PRH2: variants seen among roughly 807,000 people sequenced by gnomAD.
The protein encoded by PRH2 is proline rich protein HaeIII subfamily 2, also known as salivary acidic proline-rich phosphoprotein 1/2.
A neutral mutation model predicts 22.6 loss-of-function variants in PRH2; 19 were observed. The observed-to-expected ratio is 0.84, with a 90% CI of 0.59 to 1.23. The LOEUF is 1.23. Among genes scored for constraint, PRH2 ranks in the 50% most tolerant of loss-of-function variants. The pLI is 0.00. For missense variants in PRH2, 109 were observed against 203.0 expected (o/e 0.54, Z 2.81); for synonymous variants, 45 against 72.0 (o/e 0.63, Z 1.90).
chr12:10,929,419 A>C, intron 1 of PRH2, 82 bp downstream of exon 1: 1 of 1,556,986 alleles, frequency 6.4e-7, no homozygotes. Flanking sequence ...TGGAGGGAAG[A>C]GAGGAGGATG....
rs1247082196 is a variant in PRH2, at chr12:10,934,172, C to CT, written c.*1966dup. ...ATAGCAAGCATCTGATTATTTTACT[C>CT]TAAGTTATTTCCACTTCTGATTTTA... On this transcript the variant is annotated 3_prime_UTR_variant, in exon 4 of 4. Transcript: ENST00000396400. Among the ~76,000 whole-genome samples the CT allele has an allele frequency of 7.2e-5, 11 of 152,258 alleles. No homozygotes were observed. Among genetic ancestry groups the CT allele is most frequent in the East Asian group, 1.9e-4 (1 of 5,180 alleles).
rs996926309 is a variant in PRH2 at position 10,933,633 on chromosome 12, C to T, written c.*1426C>T. ...ATATGACCATCTCAAAAGATGCCAA[C>T]GTTGTCTTTGATAATATTTAATATA... On this transcript the variant is annotated 3_prime_UTR_variant, in exon 4 of 4. Transcript: ENST00000396400. Among the ~76,000 whole-genome samples the T allele has an allele frequency of 1.3e-5, 2 of 151,944 alleles. No individual in the cohort carries two copies. The highest frequency in any genetic ancestry group is 4.1e-4 in the South Asian group (2 of 4,824).
chr12:10,930,539 G>C, intron 2 of PRH2, 123 bp from the exon 3 acceptor site: 1 of 1,525,548 alleles, frequency 6.6e-7, no homozygotes, highest in Non-Finnish European at 8.8e-7. Context: ...GGGAAGGGGG[G>C]AGGTTGGGAG....
At chr12:10,929,428 T>A in intron 1 of PRH2, 91 bp downstream of exon 1, 1 of 1,497,568 alleles carries the variant, frequency 6.7e-7, no homozygotes, top group Non-Finnish European at 9.2e-7. Flanking sequence ...GAGAGGAGGA[T>A]GAGAAAACAG....
intron 2 of PRH2, 150 bp downstream of exon 2, chr12:10,930,454 G>T: frequency 6.9e-7 from 1 of 1,452,348 alleles, no homozygotes; most frequent in East Asian, 2.4e-5. Context: ...CCTTGATTCT[G>T]GGGACCATGA....
Position 10,930,976 on chromosome 12 carries a change from C to A in PRH2, c.415C>A (p.Pro139Thr), listed in dbSNP as rs561721607. 2 of 1,597,612 alleles carry A rather than the reference C, an allele frequency of 1.3e-6. No homozygotes were observed. The highest frequency in any genetic ancestry group is 1.7e-5 in the Admixed American group (1 of 58,460). The change falls in exon 3 of 4, where the codon CCC (proline) becomes ACC (threonine). Residue 139 changes from proline (P) to threonine (T), a missense_variant. This residue lies in a region of PRH2 where 41 missense variants were observed against 93.6 expected (regional missense o/e 0.44). Coordinates refer to ENST00000396400, the MANE Select transcript of PRH2 (RefSeq NM_001110213.1). Reference sequence around the variant, plus strand: ...ACAGGGAGGCCATCAGCAAGGTCCTCCCCCACCTCCTCCTGGAAAGCCCCA... The same window carrying A: ...ACAGGGAGGCCATCAGCAAGGTCCTACCCCACCTCCTCCTGGAAAGCCCCA... ...PQQGGHQQGP[P>T]PPPPGKPQGP... is the part of the protein sequence containing the mutation.
At position 10,930,782 on chromosome 12, in the gene PRH2, C is replaced by T; in HGVS notation, c.221C>T (p.Pro74Leu). ...AATGATGGCCCTCAGCAGGGACCAC[C>T]CCAACAAGGAGGCCAGCAGCAACAA... ...NQNDGPQQGP[P>L]QQGGQQQQGP... Residue 74 changes from proline to leucine, a missense_variant, in exon 3 of 4, where the codon CCC (proline) becomes CTC (leucine). Physicochemically the swap from Pro to Leu is moderately conservative, Grantham distance 98 (BLOSUM62 -3). Coordinates refer to ENST00000396400, the MANE Select transcript of PRH2 (RefSeq NM_001110213.1). 1 of 1,609,864 alleles carries T rather than the reference C, an allele frequency of 6.2e-7. No homozygotes were observed. The highest frequency in any genetic ancestry group is 8.5e-7 in the Non-Finnish European group (1 of 1,176,764).
At position 10,929,268 on chromosome 12, in the gene PRH2, T is replaced by A; in HGVS notation, c.-6T>A. 1.7e-5 allele frequency: 28 copies of A among 1,614,218 alleles called. No individual in the cohort carries two copies. The highest frequency in any genetic ancestry group is 2.4e-5 in the Non-Finnish European group (28 of 1,180,040). The stretch of plus-strand genomic sequence containing the variant: ...AGTTGGGAGTGACACCAGAGCCTTC[T>A]GCAAGATGCTTCTGATTCTGCTGTC... On this transcript the variant is annotated 5_prime_UTR_variant, in exon 1 of 4. Transcript: ENST00000396400.
In PRH2 at chr12:10,929,270, C is replaced by A; in HGVS notation, c.-4C>A. 6.2e-7 allele frequency: 1 copy of A among 1,614,182 alleles called. No homozygotes were observed. The highest frequency in any genetic ancestry group is 8.5e-7 in the Non-Finnish European group (1 of 1,180,030). ...TTGGGAGTGACACCAGAGCCTTCTG[C>A]AAGATGCTTCTGATTCTGCTGTCAG... On this transcript the variant is annotated 5_prime_UTR_variant, in exon 1 of 4. Transcript: ENST00000396400.
chr12:10,932,189 G>A (rs1391254774), intron 3 of PRH2, 37 bp from the exon 4 acceptor site: 6 of 429,582 alleles, frequency 1.4e-5, no homozygotes, highest in Non-Finnish European at 2.9e-5. Flanking sequence ...TTCCTGCCAT[G>A]TCAAGTCTTG....
At position 10,930,427 on chromosome 12, in the gene PRH2, A is replaced by G. The variant is rs1441557815; in HGVS notation, c.100+123A>G. The G allele has an allele frequency of 2.7e-6, 4 of 1,472,546 alleles. No homozygotes were observed. In the African/African-American group the frequency reaches 5.7e-5, roughly 21 times the overall value. 91.2% of individuals were successfully genotyped at this position (1,472,546 alleles called of 1,614,324 possible). ...GCTAATATCAGTGCCCCAGAGATAT[A>G]AACAGTTTTCTCCCAACCTTGATTC... On this transcript the variant is annotated intron_variant, in intron 2 of 3. Coordinates refer to ENST00000396400, the MANE Select transcript of PRH2 (RefSeq NM_001110213.1).
intron 3 of PRH2, among the ~76,000 whole-genome samples, 173 bp from the exon 4 acceptor site, chr12:10,932,052 CG>C (rs1565480023): frequency 2.0e-5 from 3 of 152,122 alleles, no homozygotes; most frequent in African/African-American, 7.2e-5. Context: ...AAGCACATTA[CG>C]TGCAATGGCA....
chr12:10,930,699 T>C lies in PRH2; in HGVS notation c.138T>C (p.Arg46=), dbSNP rs200642604. The stretch of plus-strand genomic sequence containing the variant: ...CTGAGCAGTTCATAGATGAGGAGCG[T>C]CAGGGACCACCTTTGGGAGGACAGC... ...GDSEQFIDEE[R]QGPPLGGQQS... The change falls in exon 3 of 4, where the codon CGT becomes CGC. Residue 46 remains arginine, a synonymous_variant. Coordinates refer to ENST00000396400, the MANE Select transcript of PRH2 (RefSeq NM_001110213.1). 45 of 1,613,688 alleles carry C rather than the reference T, an allele frequency of 2.8e-5. 1 individual carries two copies. The highest frequency in any genetic ancestry group is 3.7e-5 in the Non-Finnish European group (44 of 1,179,830).
intron 2 of PRH2, 81 bp downstream of exon 2, chr12:10,930,385 A>G (rs1269863716): frequency 6.5e-7 from 1 of 1,549,288 alleles, no homozygotes; most frequent in Non-Finnish European, 8.9e-7. Flanking sequence ...TCTTCTTATC[A>G]TCCTTGTCAG....
At chr12:10,931,965 C>G (rs1950219786) in intron 3 of PRH2, among the ~76,000 whole-genome samples, 1 of 152,132 alleles carries the variant, frequency 6.6e-6, no homozygotes, top group East Asian at 1.9e-4. Flanking sequence ...GAAAATAACC[C>G]TTAACGTATC....
In PRH2 at chr12:10,933,358, T is replaced by C. The variant is rs954553209; in HGVS notation, c.*1151T>C. On this transcript the variant is annotated 3_prime_UTR_variant, in exon 4 of 4. Coordinates refer to ENST00000396400, the MANE Select transcript of PRH2 (RefSeq NM_001110213.1). ...CAAAAGCACCTTCATGGAAGATTCC[T>C]CATTAACAGGCAGTCCTTTAGTATG... Among the ~76,000 whole-genome samples, 2 of 152,060 alleles carry C rather than the reference T, an allele frequency of 1.3e-5. No homozygotes were observed. The highest frequency in any genetic ancestry group is 4.8e-5 in the African/African-American group (2 of 41,436).
chr12:10,930,283 G>T lies in PRH2; in HGVS notation c.79G>T (p.Asp27Tyr). Residue 27 changes from aspartate to tyrosine, a missense_variant, in exon 2 of 4, where the codon GAC (aspartate) becomes TAC (tyrosine). Asp to Tyr is a radical substitution (Grantham distance 160, BLOSUM62 -3). Transcript: ENST00000396400. ...QDLDEDVSQE[D>Y]VPLVISDGGD... ...TTCTTTTCTAGATGTCAGCCAAGAA[G>T]ACGTTCCCTTGGTAATATCAGGTAA... 1 of 1,613,388 alleles carries T rather than the reference G, an allele frequency of 6.2e-7. No individual in the cohort carries two copies. Among genetic ancestry groups the T allele is most frequent in the Non-Finnish European group, 8.5e-7 (1 of 1,179,330 alleles).
At chr12:10,929,442 G>C in intron 1 of PRH2, 105 bp downstream of exon 1, 2 of 1,381,576 alleles carry the variant, frequency 1.4e-6, no homozygotes, top group South Asian at 2.5e-5. Context: ...AAAACAGATA[G>C]GACTGAAGAG....
In PRH2 at chr12:10,930,718, G is replaced by C; in HGVS notation, c.157G>C (p.Gly53Arg). ...DEERQGPPLG[G>R]QQSQPSAGDG... ...GGAGCGTCAGGGACCACCTTTGGGA[G>C]GACAGCAATCTCAACCCTCTGCTGG... The change falls in exon 3 of 4, where the codon GGA (glycine) becomes CGA (arginine). Residue 53 changes from glycine to arginine, a missense_variant. This residue lies in a region of PRH2 where 54 missense variants were observed against 60.5 expected (regional missense o/e 0.89). Coordinates refer to ENST00000396400, the MANE Select transcript of PRH2 (RefSeq NM_001110213.1). 6.2e-7 allele frequency: 1 copy of C among 1,613,820 alleles called. No individual in the cohort carries two copies. The highest frequency in any genetic ancestry group is 8.5e-7 in the Non-Finnish European group (1 of 1,179,826).
Sources: gnomAD v4.1 joint callset for allele counts (sites outside exome capture counted in the v4.1 genomes callset) on GRCh38, gnomAD v4.1.1 for gene constraint, gnomAD v4.1.1 regional missense constraint, MANE v1.5 for transcripts, NCBI Gene and HGNC (gene_info 2026-07-23, HGNC 2026-07-21) for gene names.